ANKFN1: variants seen among roughly 807,000 people sequenced by gnomAD.
ANKFN1 encodes ankyrin repeat and fibronectin type III domain containing 1.
ANKFN1 carries 74 observed loss-of-function variants against 108.7 expected under a neutral mutation model. That is an observed-to-expected ratio of 0.68 (90% CI 0.56 to 0.83). ANKFN1 has a LOEUF of 0.83. Among genes scored for constraint, ANKFN1 ranks in the 40% least tolerant of loss-of-function variants. ANKFN1 has a pLI of 0.00. For missense variants in ANKFN1, 1,505 were observed against 1,382.3 expected (o/e 1.09, Z -1.41); for synonymous variants, 547 against 516.2 (o/e 1.06, Z -0.81).
At position 56,499,098 on chromosome 17, in the gene ANKFN1, G is replaced by A. The variant is rs1365137368; in HGVS notation, c.2644G>A (p.Asp882Asn). The change falls in exon 20 of 21, where the codon GAT becomes AAT. Residue 882 changes from aspartate (D) to asparagine (N), a missense_variant and splice_region_variant. By Grantham distance (23) the Asp-to-Asn change is conservative (BLOSUM62 1). Transcript: ENST00000682825. ...PEMHRRKTVS[D>N]SQPCSDEEAC... ...GATGCACAGAAGAAAGACAGTGAGT[G>A]GTAAGCAATGAGATCTGAAGTTCTG... is the stretch of plus-strand genomic sequence containing the variant. The A allele has an allele frequency of 3.3e-6, 5 of 1,535,096 alleles. No individual in the cohort carries two copies. Among genetic ancestry groups the A allele is most frequent in the Admixed American group, 2.0e-5 (1 of 50,946 alleles).
intron 20 of ANKFN1, among the ~76,000 whole-genome samples, chr17:56,506,140 G>A (rs986073675): frequency 2.2e-4 from 33 of 151,936 alleles, no homozygotes; most frequent in African/African-American, 7.0e-4. Flanking sequence ...GTATACATGC[G>A]CCATGTTGGT....
Position 56,510,709 on chromosome 17 carries a change from A to C in ANKFN1, c.2881A>C (p.Asn961His), listed in dbSNP as rs1333872784. Residue 961 changes from asparagine to histidine, a missense_variant, in exon 21 of 21, where the codon AAT (asparagine) becomes CAT (histidine). Asn to His is a moderately conservative substitution (Grantham distance 68, BLOSUM62 1). Transcript: ENST00000682825. ...CCAGGATCCCCAGGGCGAGGGCCCA[A>C]ATCCCGATCACTCATGTGCCGAGTT... is the stretch of plus-strand genomic sequence containing the variant. ...PGQDPQGEGPNPDHSCAEFLH... is the reference protein window; with the variant it reads ...PGQDPQGEGPHPDHSCAEFLH... 1.3e-6 allele frequency: 2 copies of C among 1,536,088 alleles called. No individual in the cohort carries two copies. The highest frequency in any genetic ancestry group is 1.7e-6 in the Non-Finnish European group (2 of 1,146,896).
At chr17:56,482,101 C>T (rs143184735) in intron 17 of ANKFN1, among the ~76,000 whole-genome samples, 1 of 152,244 alleles carries the variant, frequency 6.6e-6, no homozygotes, top group Non-Finnish European at 1.5e-5. Flanking sequence ...TTGAAAAGCC[C>T]ACAGAATGCA....
chr17:56,299,571 G>T (rs1392538026), intron 3 of ANKFN1, among the ~76,000 whole-genome samples: 1 of 152,186 alleles, frequency 6.6e-6, no homozygotes, highest in African/African-American at 2.4e-5. Flanking sequence ...CTACAAGGCA[G>T]CATCCAGGTG....
At chr17:56,153,984 T>C (rs75789430) in intron 1 of ANKFN1, among the ~76,000 whole-genome samples, 1 of 152,306 alleles carries the variant, frequency 6.6e-6, no homozygotes, top group Non-Finnish European at 1.5e-5. Flanking sequence ...ATGGACTTTA[T>C]TGTCATGATG....
intron 15 of ANKFN1, among the ~76,000 whole-genome samples, chr17:56,467,544 A>T (rs1215297747): frequency 6.6e-6 from 1 of 151,574 alleles, no homozygotes; most frequent in African/African-American, 2.4e-5. Context: ...GCCAGTTGTG[A>T]TGGCAGCCAC....
chr17:56,474,075 G>A (rs1308378669), intron 15 of ANKFN1, among the ~76,000 whole-genome samples: 1 of 152,016 alleles, frequency 6.6e-6, no homozygotes, highest in East Asian at 1.9e-4. Context: ...CTTTATTACT[G>A]TTTTCCAGAA....
intron 5 of ANKFN1, among the ~76,000 whole-genome samples, 191 bp from the exon 6 acceptor site, chr17:56,353,645 A>T (rs1308754034): frequency 1.3e-5 from 2 of 152,082 alleles, no homozygotes; most frequent in Admixed American, 1.3e-4. Context: ...GCACTTATTC[A>T]ATGTCCATTA....
At chr17:56,208,058 G>A (rs1224115779) in intron 1 of ANKFN1, among the ~76,000 whole-genome samples, 2 of 152,150 alleles carry the variant, frequency 1.3e-5, no homozygotes, top group Non-Finnish European at 2.9e-5. Flanking sequence ...CACCCAGACT[G>A]GAGTGCTGTG....
chr17:56,126,697 G>C (rs1906954678), intron 4 of ANKFN1, among the ~76,000 whole-genome samples: 1 of 152,126 alleles, frequency 6.6e-6, no homozygotes, highest in Non-Finnish European at 1.5e-5. Context: ...GATTTGTAAG[G>C]CTCTCCAGGA....
intron 4 of ANKFN1, among the ~76,000 whole-genome samples, chr17:56,095,972 C>T (rs556370230): frequency 1.3e-5 from 2 of 152,304 alleles, no homozygotes; most frequent in African/African-American, 4.8e-5. Context: ...AATCCCAACC[C>T]TGCTGTTTAT....
At chr17:56,252,632 G>A (rs781384963) in intron 3 of ANKFN1, among the ~76,000 whole-genome samples, 29 of 151,718 alleles carry the variant, frequency 1.9e-4, no homozygotes, top group Non-Finnish European at 3.1e-4. Context: ...TTTAAAATTA[G>A]CTGGGCAGGG....
chr17:56,454,778 T>G (rs75571451), intron 11 of ANKFN1, among the ~76,000 whole-genome samples: 2,763 of 152,272 alleles, frequency 0.018, 56 homozygotes, highest in East Asian at 0.093. Flanking sequence ...TATAAAAGCT[T>G]ATGCACAAAT....
rs1402318167 is a variant in ANKFN1, at chr17:56,512,129, A to G, written c.*860A>G. Among the ~76,000 whole-genome samples the G allele has an allele frequency of 1.3e-5, 2 of 152,200 alleles. No individual in the cohort carries two copies. The highest frequency in any genetic ancestry group is 4.8e-5 in the African/African-American group (2 of 41,450). On this transcript the variant is annotated 3_prime_UTR_variant, in exon 21 of 21. Coordinates refer to ENST00000682825, the MANE Select transcript of ANKFN1 (RefSeq NM_001370326.1). ...GAGGGAGAGAGACATGGGCAGAAAT[A>G]TATTTCCTTTACAATTCTAAGTTAA...
At chr17:56,431,023 G>A (rs545494345) in intron 8 of ANKFN1, among the ~76,000 whole-genome samples, 4 of 152,178 alleles carry the variant, frequency 2.6e-5, no homozygotes, top group South Asian at 2.1e-4. Flanking sequence ...AACAGTATGC[G>A]TGAGTTTCCT....
At chr17:56,053,176 C>T (rs1200845643) in intron 4 of ANKFN1, among the ~76,000 whole-genome samples, 1 of 152,012 alleles carries the variant, frequency 6.6e-6, no homozygotes, top group East Asian at 1.9e-4. Flanking sequence ...TTTGTGGGTA[C>T]ATAGGAAGTG....
intron 3 of ANKFN1, among the ~76,000 whole-genome samples, chr17:56,301,890 G>T (rs1475945620): frequency 6.6e-6 from 1 of 152,190 alleles, no homozygotes; most frequent in Non-Finnish European, 1.5e-5. Flanking sequence ...ACAGGGCCAG[G>T]TGGATATCAA....
At chr17:56,272,391 G>A (rs1185065137) in intron 3 of ANKFN1, among the ~76,000 whole-genome samples, 2 of 151,982 alleles carry the variant, frequency 1.3e-5, no homozygotes, top group Admixed American at 6.6e-5. Flanking sequence ...TCATATAAGT[G>A]GAATTATATA....
intron 4 of ANKFN1, among the ~76,000 whole-genome samples, chr17:56,078,704 G>A (rs766616621): frequency 5.9e-5 from 9 of 152,154 alleles, no homozygotes; most frequent in Non-Finnish European, 1.2e-4. Context: ...CCCTGGGCAG[G>A]CATCGTGGAG....
Sources: gnomAD v4.1 joint callset for allele counts (sites outside exome capture counted in the v4.1 genomes callset) on GRCh38, gnomAD v4.1.1 for gene constraint, MANE v1.5 for transcripts, NCBI Gene and HGNC (gene_info 2026-07-23, HGNC 2026-07-21) for gene names.